The following OAF variants were observed in gnomAD, a reference collection of about 807,000 sequenced individuals.
The protein encoded by OAF is out at first homolog.
Under a neutral mutation model 22.5 loss-of-function variants are expected in OAF, and 13 were observed. That is an observed-to-expected ratio of 0.58 (90% CI 0.38 to 0.92). The LOEUF is 0.92. Among genes scored for constraint, OAF ranks in the 40% least tolerant of loss-of-function variants. The pLI is 0.00. For missense variants in OAF, 347 were observed against 381.8 expected, an observed-to-expected ratio of 0.91 and a Z score of 0.76; for synonymous variants, 175 against 170.5, an observed-to-expected ratio of 1.03 and a Z score of -0.21.
At chr11:120,211,727 C>T (rs1388380554) in intron 1 of OAF, among the ~76,000 whole-genome samples, 1 of 152,108 alleles carries the variant, frequency 6.6e-6, no homozygotes, top group Non-Finnish European at 1.5e-5. Context: ...CTCACTCCCT[C>T]CTCCAGCGCT....
At position 120,229,266 on chromosome 11, in the gene OAF, T is replaced by A; in HGVS notation, c.*124T>A. Reference sequence around the variant, plus strand: ...TCCCCACTCCCCTGGCCCTAGAGCCTGGGCCCCTCTGGCCCCATCTCACAT... The same window carrying A: ...TCCCCACTCCCCTGGCCCTAGAGCCAGGGCCCCTCTGGCCCCATCTCACAT... On this transcript the variant is annotated 3_prime_UTR_variant, in exon 4 of 4. Transcript: ENST00000328965. 2.3e-6 allele frequency: 2 copies of A among 873,002 alleles called. No homozygotes were observed. The highest frequency in any genetic ancestry group is 3.5e-6 in the Non-Finnish European group (2 of 572,472). 54.1% of individuals were successfully genotyped at this position (873,002 alleles called of 1,614,324 possible). A position where few individuals can be genotyped will look rare whatever the true frequency, so the allele number is the denominator to read the frequency against.
chr11:120,222,060 A>G (rs1938286051), intron 1 of OAF, among the ~76,000 whole-genome samples: 1 of 152,176 alleles, frequency 6.6e-6, no homozygotes, highest in Non-Finnish European at 1.5e-5. Context: ...TGGGCTTAGC[A>G]TCTGAGGGGA....
intron 3 of OAF, among the ~76,000 whole-genome samples, chr11:120,227,561 C>T (rs1224285519): frequency 6.6e-6 from 1 of 152,162 alleles, no homozygotes; most frequent in African/African-American, 2.4e-5. Context: ...TCAGGCCCTC[C>T]CTGGTGCCAG....
In OAF at chr11:120,211,378, G is replaced by C; in HGVS notation, c.99G>C (p.Arg33=). The C allele has an allele frequency of 6.8e-7, 1 of 1,461,942 alleles. No individual in the cohort carries two copies. The highest frequency in any genetic ancestry group is 9.1e-7 in the Non-Finnish European group (1 of 1,097,568). 90.6% of individuals were successfully genotyped at this position (1,461,942 alleles called of 1,614,324 possible). The change falls in exon 1 of 4, where the codon CGG becomes CGC. Residue 33 remains arginine, a synonymous_variant. Transcript: ENST00000328965. Reference sequence around the variant, plus strand: ...GAACGGGTGCGCCGGCCGAGCTGCGGGTCCGCGTGCGGCTGCCGGACGGCC... The same window carrying C: ...GAACGGGTGCGCCGGCCGAGCTGCGCGTCCGCGTGCGGCTGCCGGACGGCC... ...LLGTGAPAEL[R]VRVRLPDGQV...
At chr11:120,225,338 C>T (rs1413761333) in intron 1 of OAF, among the ~76,000 whole-genome samples, 1 of 152,112 alleles carries the variant, frequency 6.6e-6, no homozygotes, top group Admixed American at 6.5e-5. Flanking sequence ...CCATGATGCC[C>T]TGATCAGGTG....
intron 1 of OAF, among the ~76,000 whole-genome samples, chr11:120,219,965 G>A (rs189770564): frequency 1.2e-3 from 190 of 152,282 alleles, no homozygotes; most frequent in African/African-American, 3.8e-3. Context: ...GCATTCATTC[G>A]TTCCTCCAGC....
chr11:120,212,888 A>G (rs568681565), intron 1 of OAF, among the ~76,000 whole-genome samples: 134 of 150,204 alleles, frequency 8.9e-4, no homozygotes, highest in African/African-American at 3.2e-3. Flanking sequence ...CTTACTCCGC[A>G]GGCCTAAGCT....
At chr11:120,215,964 GT>G (rs1938206400) in intron 1 of OAF, among the ~76,000 whole-genome samples, 1 of 152,188 alleles carries the variant, frequency 6.6e-6, no homozygotes, top group African/African-American at 2.4e-5. Context: ...GACTCCAAAA[GT>G]GTGGAAGGAG....
At position 120,211,145 on chromosome 11, in the gene OAF, C is replaced by T. The variant is rs1938135855; in HGVS notation, c.-135C>T. 1 of 342,070 alleles carries T rather than the reference C, an allele frequency of 2.9e-6. No individual in the cohort carries two copies. Among genetic ancestry groups the T allele is most frequent in the African/African-American group, 2.2e-5 (1 of 45,674 alleles). 21.2% of individuals were successfully genotyped at this position (342,070 alleles called of 1,614,324 possible). A position where few individuals can be genotyped will look rare whatever the true frequency, so the allele number is the denominator to read the frequency against. On this transcript the variant is annotated 5_prime_UTR_variant, in exon 1 of 4. Transcript: ENST00000328965. ...TGCGTCCGCGCCACCTCGCGGGCGACCCCGCGGCCAAGGCCCCCGGCGGAG... is the reference window on the plus strand; with the variant it reads ...TGCGTCCGCGCCACCTCGCGGGCGATCCCGCGGCCAAGGCCCCCGGCGGAG...
chr11:120,222,562 A>G (rs1159285274), intron 1 of OAF, among the ~76,000 whole-genome samples: 1 of 144,072 alleles, frequency 6.9e-6, no homozygotes. Context: ...TCTCCAAAAG[A>G]AAAAAAAAAA....
chr11:120,218,971 A>C (rs1011312971), intron 1 of OAF, among the ~76,000 whole-genome samples: 1 of 151,186 alleles, frequency 6.6e-6, no homozygotes, highest in Non-Finnish European at 1.5e-5. Flanking sequence ...GTGCCTGCAC[A>C]TGCACGCATG....
At chr11:120,226,474 G>C (rs757437075) in intron 2 of OAF, among the ~76,000 whole-genome samples, 2 of 152,244 alleles carry the variant, frequency 1.3e-5, no homozygotes, top group Non-Finnish European at 2.9e-5. Context: ...ATGTTGGAAA[G>C]TACGTGATTC....
At chr11:120,224,610 T>C (rs1938327674) in intron 1 of OAF, among the ~76,000 whole-genome samples, 1 of 152,076 alleles carries the variant, frequency 6.6e-6, no homozygotes, top group Non-Finnish European at 1.5e-5. Flanking sequence ...TCAGTGACTG[T>C]GTGGTGGGGG....
At chr11:120,228,821 TCCC>T in intron 3 of OAF, 44 bp from the exon 4 acceptor site, 35 of 520,266 alleles carry the variant, frequency 6.7e-5, no homozygotes, top group East Asian at 6.8e-5. Context: ...GGGAGCTCCT[TCCC>T]TCCCTCCCTC....
intron 3 of OAF, 46 bp from the exon 4 acceptor site, chr11:120,228,822 C>CCCAACCAAA: frequency 1.0e-5 from 4 of 398,974 alleles, no homozygotes; most frequent in African/African-American, 2.1e-5. Flanking sequence ...GGAGCTCCTT[C>CCCAACCAAA]CCTCCCTCCC....
At chr11:120,212,294 T>C (rs1779837150) in intron 1 of OAF, among the ~76,000 whole-genome samples, 1 of 151,470 alleles carries the variant, frequency 6.6e-6, no homozygotes, top group African/African-American at 2.4e-5. Context: ...GTGTCCCAGA[T>C]TACGGTTTGG....
intron 3 of OAF, 57 bp from the exon 4 acceptor site, chr11:120,228,811 G>C (rs1016855148): frequency 7.5e-7 from 1 of 1,328,370 alleles, no homozygotes. Flanking sequence ...CTCTGACTAG[G>C]GGAGCTCCTT....
rs765765008 is a variant in OAF, at chr11:120,226,925, A to C, written c.476A>C (p.His159Pro). The C allele has an allele frequency of 6.2e-7, 1 of 1,612,324 alleles. No individual in the cohort carries two copies. The highest frequency in any genetic ancestry group is 1.7e-5 in the Admixed American group (1 of 59,972). ...GGGGCCCTGCTGAGCCCCCATCTCC[A>C]CAACGTGTGTGCCGAGGCCGTGGAT... ...SQGALLSPHL[H>P]NVCAEAVDAI... The change falls in exon 3 of 4, where the codon CAC becomes CCC. Residue 159 changes from histidine (H) to proline (P), a missense_variant. Physicochemically the swap from His to Pro is moderately conservative, Grantham distance 77. Transcript: ENST00000328965.
intron 1 of OAF, among the ~76,000 whole-genome samples, chr11:120,218,921 G>C (rs370139614): frequency 5.5e-4 from 84 of 152,216 alleles, no homozygotes; most frequent in African/African-American, 1.9e-3. Flanking sequence ...AGAGGAGACC[G>C]GGCAGGCTGG....
Sources: allele counts gnomAD v4.1 joint callset (sites outside exome capture counted in the v4.1 genomes callset), GRCh38; gene constraint gnomAD v4.1.1; transcripts MANE v1.5; gene names NCBI Gene and HGNC (gene_info 2026-07-23, HGNC 2026-07-21).